The following TTLL13 variants were observed in gnomAD, a reference collection of about 807,000 sequenced individuals.
TTLL13 encodes the protein tubulin tyrosine ligase like 13, also known as tubulin polyglutamylase TTLL13.
At chr15:90,257,685 G>A in the TTLL13 span, 16 of 1,614,202 alleles carry the variant, frequency 9.9e-6, no homozygotes, top group African/African-American at 1.2e-4. Flanking sequence ...CAAACACAAT[G>A]AGAATTTTGT....
At chr15:90,257,248 C>G in the TTLL13 span, 2 of 1,614,024 alleles carry the variant, frequency 1.2e-6, no homozygotes, top group Non-Finnish European at 1.7e-6. Flanking sequence ...GTTTTGCCAC[C>G]ACGCCCTATA....
chr15:90,258,164 C>CCGAA, the TTLL13 span: 1 of 1,614,134 alleles, frequency 6.2e-7, no homozygotes, highest in African/African-American at 1.3e-5. Flanking sequence ...GCCACAACTA[C>CCGAA]CGAACCTGTT....
chr15:90,256,060 A>C, the TTLL13 span: 1 of 1,567,250 alleles, frequency 6.4e-7, no homozygotes, highest in African/African-American at 1.4e-5. Flanking sequence ...AGCATGGACT[A>C]GATAGCAGGA....
At chr15:90,256,543 C>CT in the TTLL13 span, among the ~76,000 whole-genome samples, 34 of 141,100 alleles carry the variant, frequency 2.4e-4, 1 homozygote, top group Non-Finnish European at 4.2e-4. Flanking sequence ...TGTCTCCTTC[C>CT]TTTTTCTTTC....
the TTLL13 span, chr15:90,257,011 A>G: frequency 1.1e-6 from 1 of 929,614 alleles, no homozygotes; most frequent in Admixed American, 3.0e-5. Context: ...AGTGGGAGTA[A>G]TAACAGTAAC....
chr15:90,250,718 A>T, the TTLL13 span: 1 of 1,614,066 alleles, frequency 6.2e-7, no homozygotes, highest in East Asian at 2.2e-5. Context: ...AGAGGGAGTT[A>T]CCAACCCCTC....
chr15:90,251,558 C>T, the TTLL13 span: 1 of 1,614,022 alleles, frequency 6.2e-7, no homozygotes, highest in Non-Finnish European at 8.5e-7. Flanking sequence ...TTCCAGATCA[C>T]TGGCCATCAA....
chr15:90,252,991 C>T, the TTLL13 span, among the ~76,000 whole-genome samples: 3,814 of 152,120 alleles, frequency 0.025, 161 homozygotes, highest in African/African-American at 0.086. Flanking sequence ...GGCGAAACTC[C>T]GTCTCTAAAA....
the TTLL13 span, chr15:90,262,117 T>C: frequency 1.3e-6 from 2 of 1,535,946 alleles, no homozygotes; most frequent in African/African-American, 1.4e-5. Context: ...CAGAGAAGTA[T>C]GCCCGCTTCT....
At chr15:90,255,937 G>C in the TTLL13 span, 1 of 1,612,040 alleles carries the variant, frequency 6.2e-7, no homozygotes, top group Non-Finnish European at 8.5e-7. Context: ...GAAAAGGGTC[G>C]CTCTCAGAGC....
At chr15:90,258,923 T>C in the TTLL13 span, 1 of 1,614,170 alleles carries the variant, frequency 6.2e-7, no homozygotes, top group South Asian at 1.1e-5. Context: ...GCCACGAGAA[T>C]CTAGGTGTGC....
the TTLL13 span, chr15:90,256,081 G>A: frequency 6.3e-7 from 1 of 1,592,892 alleles, no homozygotes; most frequent in Non-Finnish European, 8.6e-7. Flanking sequence ...AGAGCTCCAT[G>A]CGGCCCCGGG....
chr15:90,263,577 G>A, the TTLL13 span: 1 of 567,454 alleles, frequency 1.8e-6, no homozygotes, highest in Admixed American at 3.0e-5. Flanking sequence ...TCCCTGGGCT[G>A]GTAGCAAACC....
At chr15:90,256,844 C>T in the TTLL13 span, among the ~76,000 whole-genome samples, 7 of 152,098 alleles carry the variant, frequency 4.6e-5, no homozygotes, top group South Asian at 4.2e-4. Context: ...CCTGCCACCA[C>T]GCCCAGTTAA....
the TTLL13 span, among the ~76,000 whole-genome samples, chr15:90,256,597 C>CT: frequency 2.8e-5 from 1 of 35,256 alleles, no homozygotes; most frequent in African/African-American, 1.1e-4. Flanking sequence ...TTCTTTCTTT[C>CT]TTTCTTTCTT....
chr15:90,257,605 A>C, the TTLL13 span: 1 of 1,602,110 alleles, frequency 6.2e-7, no homozygotes, highest in Non-Finnish European at 8.5e-7. Flanking sequence ...GCATGCAGAC[A>C]GTCTGAGACC....
chr15:90,249,708 C>A, the TTLL13 span: 46,858 of 152,092 alleles, frequency 0.31, 8,017 homozygotes, highest in East Asian at 0.69. Context: ...CCCAGGGAGA[C>A]CTGGAGCCGG....
the TTLL13 span, chr15:90,258,814 T>C: frequency 1.2e-6 from 2 of 1,614,188 alleles, no homozygotes; most frequent in South Asian, 1.1e-5. Flanking sequence ...TTCTCTGTGA[T>C]GCTATGACCC....
chr15:90,257,939 C>A, the TTLL13 span: 1 of 1,202,652 alleles, frequency 8.3e-7, no homozygotes, highest in Non-Finnish European at 1.2e-6. Context: ...CCCTTCAAAG[C>A]CCGGGCATGC....
Sources: allele counts gnomAD v4.1 joint callset (sites outside exome capture counted in the v4.1 genomes callset), GRCh38; gene constraint gnomAD v4.1.1; transcripts MANE v1.5; gene names NCBI Gene and HGNC (gene_info 2026-07-23, HGNC 2026-07-21).